GBF1: variants seen among roughly 807,000 people sequenced by gnomAD.
The protein encoded by GBF1 is golgi brefeldin A resistant guanine nucleotide exchange factor 1, also known as Golgi-specific brefeldin A-resistance guanine nucleotide exchange factor 1.
GBF1 carries 114 observed loss-of-function variants against 210.5 expected under a neutral mutation model. The ratio of observed to expected loss-of-function variants is 0.54; its 90% CI spans 0.47 to 0.63. The LOEUF (loss-of-function observed/expected upper bound fraction) is 0.63. GBF1 is among the 30% of genes least tolerant of loss of function. The pLI, the probability that GBF1 is intolerant of heterozygous loss-of-function variation, is 0.00. For synonymous variants in GBF1, 850 were observed against 889.2 expected (o/e 0.96, Z 0.78); for missense variants, 1,851 against 2,357.7 (o/e 0.79, Z 4.45).
the GBF1 span, among the ~76,000 whole-genome samples, chr10:102,232,462 C>T: frequency 6.6e-6 from 1 of 152,200 alleles, no homozygotes; most frequent in Non-Finnish European, 1.5e-5. Flanking sequence ...GCGGGTGGAT[C>T]ACCTGAGGTC....
intron 3 of GBF1, among the ~76,000 whole-genome samples, chr10:102,320,165 A>G (rs529175750): frequency 6.6e-6 from 1 of 152,236 alleles, no homozygotes; most frequent in South Asian, 2.1e-4. Flanking sequence ...TTTATTCTAT[A>G]CTGACACTAA....
chr10:102,337,052 T>G (rs1751331275), intron 3 of GBF1, among the ~76,000 whole-genome samples: 1 of 152,108 alleles, frequency 6.6e-6, no homozygotes, highest in African/African-American at 2.4e-5. Flanking sequence ...TTTTTAAAAT[T>G]TTTCTAGTAA....
At chr10:102,330,004 G>C (rs1294098849) in intron 3 of GBF1, among the ~76,000 whole-genome samples, 1 of 152,122 alleles carries the variant, frequency 6.6e-6, no homozygotes, top group Non-Finnish European at 1.5e-5. Flanking sequence ...TAGCCACTCA[G>C]GAGTTGGTAG....
intron 1 of GBF1, among the ~76,000 whole-genome samples, chr10:102,249,827 G>C (rs2071284343): frequency 6.6e-6 from 1 of 151,956 alleles, no homozygotes; most frequent in African/African-American, 2.4e-5. Context: ...AAGTAGCTGG[G>C]ACTACAGGTG....
intron 3 of GBF1, among the ~76,000 whole-genome samples, chr10:102,300,534 T>C (rs1353220980): frequency 6.6e-6 from 1 of 152,174 alleles, no homozygotes; most frequent in African/African-American, 2.4e-5. Context: ...TCAAAACAAG[T>C]TAAATAAATG....
chr10:102,319,072 C>G (rs1468224552), intron 3 of GBF1, among the ~76,000 whole-genome samples: 1 of 152,168 alleles, frequency 6.6e-6, no homozygotes, highest in Non-Finnish European at 1.5e-5. Context: ...AATCCCAGCA[C>G]TTTGGGAGGC....
At chr10:102,280,732 A>C (rs2075407334) in intron 3 of GBF1, among the ~76,000 whole-genome samples, 1 of 152,228 alleles carries the variant, frequency 6.6e-6, no homozygotes, top group South Asian at 2.1e-4. Context: ...ATTAGTGTGT[A>C]GTGATTTCCA....
chr10:102,369,571 A>C (rs1211662490), intron 24 of GBF1, 140 bp from the exon 25 acceptor site: 2 of 885,284 alleles, frequency 2.3e-6, no homozygotes, highest in African/African-American at 3.3e-5. Flanking sequence ...AGGCTGGTAG[A>C]TGCCATTGCC....
intron 3 of GBF1, among the ~76,000 whole-genome samples, chr10:102,294,229 G>A (rs780515359): frequency 3.9e-5 from 6 of 152,094 alleles, no homozygotes; most frequent in Non-Finnish European, 5.9e-5. Context: ...CCTAAGCATA[G>A]TGTTTATAAA....
the GBF1 span, chr10:102,231,805 G>T: frequency 2.5e-6 from 4 of 1,594,570 alleles, no homozygotes; most frequent in African/African-American, 1.3e-5. Context: ...GGGCCAGGGT[G>T]GGGGCAGGTC....
At chr10:102,376,096 T>C (rs941002318) in intron 30 of GBF1, among the ~76,000 whole-genome samples, 176 bp from the exon 31 acceptor site, 5 of 151,910 alleles carry the variant, frequency 3.3e-5, no homozygotes, top group African/African-American at 1.2e-4. Context: ...TGCCACCTTA[T>C]TTGGTCAACA....
chr10:102,310,985 A>G (rs749389725), intron 3 of GBF1, among the ~76,000 whole-genome samples: 1 of 152,030 alleles, frequency 6.6e-6, no homozygotes. Context: ...TGTGCAGGGT[A>G]CTCTCCTTTA....
At chr10:102,287,354 T>TC (rs2076048126) in intron 3 of GBF1, among the ~76,000 whole-genome samples, 1 of 132,552 alleles carries the variant, frequency 7.5e-6, no homozygotes, top group Non-Finnish European at 1.6e-5. Flanking sequence ...CTTTTTTTTT[T>TC]TTTTTTTTTT....
intron 3 of GBF1, among the ~76,000 whole-genome samples, chr10:102,302,117 C>A (rs1013431745): frequency 6.6e-6 from 1 of 152,188 alleles, no homozygotes; most frequent in African/African-American, 2.4e-5. Flanking sequence ...ATAGAAAAAC[C>A]AGTCAGGCGT....
At chr10:102,320,728 C>G (rs1348640143) in intron 3 of GBF1, among the ~76,000 whole-genome samples, 17 of 152,008 alleles carry the variant, frequency 1.1e-4, no homozygotes, top group Admixed American at 1.1e-3. Flanking sequence ...GAATCTCAGA[C>G]AGTTTTCTTT....
At chr10:102,338,302 G>A (rs1430006865) in intron 3 of GBF1, among the ~76,000 whole-genome samples, 4 of 143,824 alleles carry the variant, frequency 2.8e-5, no homozygotes, top group African/African-American at 1.1e-4. Context: ...GTGCAGTGGT[G>A]CAGTCTCGGC....
intron 3 of GBF1, among the ~76,000 whole-genome samples, chr10:102,326,660 AT>A (rs1364699119): frequency 6.6e-6 from 1 of 152,216 alleles, no homozygotes; most frequent in East Asian, 1.9e-4. Context: ...CCCCAGAAAT[AT>A]CCCCCATGCC....
chr10:102,358,533 C>T lies in GBF1; in HGVS notation c.815C>T (p.Thr272Ile), dbSNP rs574205961. The T allele has an allele frequency of 9.3e-6, 15 of 1,613,684 alleles. No homozygotes were observed. The African/African-American group carries it at 1.9e-4, about 20-fold the overall frequency. Residue 272 changes from threonine to isoleucine, a missense_variant, in exon 10 of 40, where the codon ACT (threonine) becomes ATT (isoleucine). Thr to Ile is a moderately conservative substitution (Grantham distance 89). This residue lies in a region of GBF1 where 804 missense variants were observed against 958.6 expected (regional missense o/e 0.84). Coordinates refer to ENST00000369983, the MANE Select transcript of GBF1 (RefSeq NM_001377137.1). ...TGGMPFIDVPTPISSASSEAA... is the reference protein window; with the variant it reads ...TGGMPFIDVPIPISSASSEAA... Reference sequence around the variant, plus strand: ...GGCATGCCCTTCATTGATGTGCCCACTCCCATCTCCTCTGCAAGTTCAGAA... The same window carrying T: ...GGCATGCCCTTCATTGATGTGCCCATTCCCATCTCCTCTGCAAGTTCAGAA...
intron 3 of GBF1, among the ~76,000 whole-genome samples, chr10:102,268,034 G>C (rs909359060): frequency 6.6e-6 from 1 of 152,116 alleles, no homozygotes; most frequent in Non-Finnish European, 1.5e-5. Flanking sequence ...CATATTAAAA[G>C]GGTAGCTCCA....
Sources: gnomAD v4.1 joint callset for allele counts (sites outside exome capture counted in the v4.1 genomes callset) on GRCh38, gnomAD v4.1.1 for gene constraint, gnomAD v4.1.1 regional missense constraint, MANE v1.5 for transcripts, NCBI Gene and HGNC (gene_info 2026-07-23, HGNC 2026-07-21) for gene names.